PCDHA13: variants seen among roughly 807,000 people sequenced by gnomAD.
The protein encoded by PCDHA13 is protocadherin alpha-13.
In PCDHA13, 54 loss-of-function variants were observed where a neutral mutation model predicts 64.8. The observed-to-expected ratio is 0.83, with a 90% CI of 0.67 to 1.04. PCDHA13 has a LOEUF of 1.04. PCDHA13 is among the 50% of genes least tolerant of loss of function. The pLI is 0.00. For missense variants in PCDHA13, 1,248 were observed against 1,254.3 expected (o/e 0.99, Z 0.08); for synonymous variants, 587 against 564.4 (o/e 1.04, Z -0.57).
chr5:140,927,366 A>G (rs782348018), intron 1 of PCDHA13: 29 of 1,614,088 alleles, frequency 1.8e-5, no homozygotes, highest in Admixed American at 1.7e-4. Context: ...GCAATGGGAT[A>G]CTAAGCTACA....
In PCDHA13 at chr5:141,006,360, C is replaced by T. The variant is rs898915080; in HGVS notation, c.2543-3267C>T. ...CTGAGTAGCTGGGACTATAGGCGCC[C>T]ACCACCACGCCCGGCTAAGTTTTTT... On this transcript the variant is annotated intron_variant, in intron 3 of 3. Coordinates refer to ENST00000289272, the MANE Select transcript of PCDHA13 (RefSeq NM_018904.3). Among the ~76,000 whole-genome samples, 9 of 151,982 alleles carry T rather than the reference C, an allele frequency of 5.9e-5. 1 individual carries two copies. The highest frequency in any genetic ancestry group is 1.2e-4 in the Non-Finnish European group (8 of 67,998).
At chr5:140,928,790 GGGT>G in intron 1 of PCDHA13, 1 of 1,614,176 alleles carries the variant, frequency 6.2e-7, no homozygotes. Flanking sequence ...GTTAAGCAGA[GGGT>G]GGTGGTAGTG....
chr5:140,978,188 C>A (rs1480380395), intron 1 of PCDHA13, among the ~76,000 whole-genome samples: 2 of 152,176 alleles, frequency 1.3e-5, no homozygotes, highest in Non-Finnish European at 2.9e-5. Context: ...GGCAACAGAT[C>A]TTTTCAATAC....
At chr5:140,929,410 C>G (rs2086136493) in intron 1 of PCDHA13, 1 of 1,505,808 alleles carries the variant, frequency 6.6e-7, no homozygotes, top group Non-Finnish European at 8.9e-7. Context: ...ACAAGCCTTT[C>G]ACAACATTTC....
intron 2 of PCDHA13, among the ~76,000 whole-genome samples, chr5:140,981,825 T>G (rs941645731): frequency 2.0e-5 from 3 of 152,184 alleles, no homozygotes; most frequent in African/African-American, 7.2e-5. Context: ...TCTGCTTGCC[T>G]CTAAAGGTCT....
intron 1 of PCDHA13, among the ~76,000 whole-genome samples, chr5:140,931,665 T>C (rs2087667345): frequency 6.6e-6 from 1 of 151,998 alleles, no homozygotes. Flanking sequence ...GGCTGGATAT[T>C]TCCTTATAAA....
chr5:140,903,987 C>A (rs1324981597), intron 1 of PCDHA13, among the ~76,000 whole-genome samples: 1 of 152,146 alleles, frequency 6.6e-6, no homozygotes, highest in Non-Finnish European at 1.5e-5. Flanking sequence ...CACAATGTAA[C>A]AGCTACAAAT....
intron 1 of PCDHA13, among the ~76,000 whole-genome samples, chr5:140,911,032 A>G (rs2075293448): frequency 6.6e-6 from 1 of 152,092 alleles, no homozygotes; most frequent in African/African-American, 2.4e-5. Flanking sequence ...TTATAGGTCT[A>G]GAAGCAAACA....
chr5:140,915,389 G>T (rs1382922139), intron 1 of PCDHA13, among the ~76,000 whole-genome samples: 5 of 152,078 alleles, frequency 3.3e-5, no homozygotes, highest in African/African-American at 4.8e-5. Context: ...TGAAGAGCTA[G>T]GTATTTCTTA....
chr5:140,967,707 C>G, intron 1 of PCDHA13: 1 of 1,614,158 alleles, frequency 6.2e-7, no homozygotes, highest in Non-Finnish European at 8.5e-7. Flanking sequence ...GATGCCAGTA[C>G]CGGGGAAGTG....
Position 140,882,127 on chromosome 5 carries a change from C to G in PCDHA13, c.-142C>G. On this transcript the variant is annotated 5_prime_UTR_variant, in exon 1 of 4. Coordinates refer to ENST00000289272, the MANE Select transcript of PCDHA13 (RefSeq NM_018904.3). Reference sequence around the variant, plus strand: ...CGAAGAAAGCCGCCGTTTCTTTCTTCCTGCAGAAAATATAGCAGAAAGCGG... The same window carrying G: ...CGAAGAAAGCCGCCGTTTCTTTCTTGCTGCAGAAAATATAGCAGAAAGCGG... 1.4e-6 allele frequency: 2 copies of G among 1,464,686 alleles called. No individual in the cohort carries two copies. 90.7% of individuals were successfully genotyped at this position (1,464,686 alleles called of 1,614,324 possible).
chr5:140,979,130 A>C, intron 2 of PCDHA13, 123 bp downstream of exon 2: 1 of 1,473,242 alleles, frequency 6.8e-7, no homozygotes, highest in Admixed American at 2.7e-5. Flanking sequence ...TTTGCCAGGA[A>C]AATGCAATTA....
chr5:140,898,808 C>T (rs1318586303), intron 1 of PCDHA13, among the ~76,000 whole-genome samples: 2 of 152,188 alleles, frequency 1.3e-5, no homozygotes, highest in Non-Finnish European at 2.9e-5. Context: ...GATACTGATT[C>T]TTCCTACCCA....
intron 1 of PCDHA13, among the ~76,000 whole-genome samples, chr5:140,941,192 TTTC>T (rs1447153939): frequency 7.0e-5 from 7 of 99,658 alleles, no homozygotes; most frequent in Admixed American, 1.0e-4. Flanking sequence ...CTTCTTTTTT[TTTC>T]TTTCTTCCTT....
chr5:140,901,234 T>A (rs1013983503), intron 1 of PCDHA13, among the ~76,000 whole-genome samples: 4 of 152,156 alleles, frequency 2.6e-5, no homozygotes, highest in African/African-American at 9.7e-5. Context: ...ATATATCCAT[T>A]TTTTTCCTTT....
At chr5:140,912,767 G>A (rs1388605585) in intron 1 of PCDHA13, among the ~76,000 whole-genome samples, 2 of 152,064 alleles carry the variant, frequency 1.3e-5, no homozygotes, top group African/African-American at 4.8e-5. Context: ...TTATTACTTT[G>A]AGGTATGTCC....
At position 140,966,633 on chromosome 5, in the gene PCDHA13, C is replaced by T. The variant is rs2096029445; in HGVS notation, c.2395-12316C>T. ...GGCCTACGGAGGGAGCGGCCCCAGG[C>T]GCTTTCTAGAGCGTGAGCGGTGGGG... On this transcript the variant is annotated intron_variant, in intron 1 of 3. Transcript: ENST00000289272. 9 of 1,005,684 alleles carry T rather than the reference C, an allele frequency of 8.9e-6. No homozygotes were observed. In the South Asian group the frequency reaches 1.6e-4, roughly 18 times the overall value. 62.3% of individuals were successfully genotyped at this position (1,005,684 alleles called of 1,614,324 possible).
At chr5:140,902,051 A>G (rs998360115) in intron 1 of PCDHA13, among the ~76,000 whole-genome samples, 2 of 152,100 alleles carry the variant, frequency 1.3e-5, no homozygotes, top group African/African-American at 4.8e-5. Context: ...TTGATTTTGT[A>G]TCCTGCAACT....
chr5:140,898,114 G>A (rs367767804), intron 1 of PCDHA13, among the ~76,000 whole-genome samples: 18 of 151,862 alleles, frequency 1.2e-4, no homozygotes, highest in Non-Finnish European at 2.4e-4. Context: ...AGTAGGTTGC[G>A]AAAATTTTCT....
Sources: allele counts gnomAD v4.1 joint callset (sites outside exome capture counted in the v4.1 genomes callset), GRCh38; gene constraint gnomAD v4.1.1; transcripts MANE v1.5; gene names NCBI Gene and HGNC (gene_info 2026-07-23, HGNC 2026-07-21).